The following ARB2A variants were observed in gnomAD, a reference collection of about 807,000 sequenced individuals.
ARB2A encodes the protein cotranscriptional regulator ARB2A.
At chr5:93,747,441 G>A in the ARB2A span, among the ~76,000 whole-genome samples, 1 of 152,048 alleles carries the variant, frequency 6.6e-6, no homozygotes, top group East Asian at 1.9e-4. Flanking sequence ...AGCATTAAAT[G>A]CAGCAATGAC....
the ARB2A span, among the ~76,000 whole-genome samples, chr5:94,045,752 A>G: frequency 6.6e-6 from 1 of 152,218 alleles, no homozygotes; most frequent in Non-Finnish European, 1.5e-5. Flanking sequence ...GTATTTTTTA[A>G]AAATGCAATG....
the ARB2A span, among the ~76,000 whole-genome samples, chr5:94,050,194 C>T: frequency 3.9e-5 from 6 of 151,980 alleles, no homozygotes; most frequent in African/African-American, 1.2e-4. Flanking sequence ...CCTGCCTTGA[C>T]CTCCCAAAGT....
the ARB2A span, among the ~76,000 whole-genome samples, chr5:94,075,878 A>G: frequency 6.6e-6 from 1 of 152,272 alleles, no homozygotes; most frequent in East Asian, 1.9e-4. Context: ...GATGTGCTAT[A>G]AGAGAAAGGG....
the ARB2A span, among the ~76,000 whole-genome samples, chr5:94,001,308 GT>G: frequency 6.6e-6 from 1 of 151,920 alleles, no homozygotes; most frequent in African/African-American, 2.4e-5. Flanking sequence ...TAGTTCTTTA[GT>G]TTCTTTCATG....
chr5:94,039,788 A>G, the ARB2A span, among the ~76,000 whole-genome samples: 2 of 152,026 alleles, frequency 1.3e-5, no homozygotes, highest in African/African-American at 4.8e-5. Flanking sequence ...AAACTCCCAA[A>G]CCAAAGGCTA....
the ARB2A span, among the ~76,000 whole-genome samples, chr5:93,872,493 A>C: frequency 6.6e-5 from 10 of 152,334 alleles, no homozygotes; most frequent in South Asian, 2.1e-3. Context: ...ACAAAAACTC[A>C]TAAATGCAGA....
At chr5:94,014,670 T>C in the ARB2A span, among the ~76,000 whole-genome samples, 1 of 151,742 alleles carries the variant, frequency 6.6e-6, no homozygotes, top group African/African-American at 2.4e-5. Context: ...ATTCAGAAAT[T>C]TATCACAGAA....
At chr5:93,831,962 G>C in the ARB2A span, among the ~76,000 whole-genome samples, 1 of 152,208 alleles carries the variant, frequency 6.6e-6, no homozygotes, top group East Asian at 1.9e-4. Context: ...TAAAAAGTGA[G>C]ACCCAACTGA....
chr5:93,889,437 G>A, the ARB2A span, among the ~76,000 whole-genome samples: 1 of 151,844 alleles, frequency 6.6e-6, no homozygotes, highest in African/African-American at 2.4e-5. Context: ...ACCTATGTCA[G>A]AAGATCTTCT....
the ARB2A span, among the ~76,000 whole-genome samples, chr5:93,952,195 A>G: frequency 1.3e-5 from 2 of 152,216 alleles, no homozygotes; most frequent in Admixed American, 6.5e-5. Context: ...TCAAAATACC[A>G]ATGACATTCT....
At chr5:93,773,946 T>C in the ARB2A span, among the ~76,000 whole-genome samples, 1 of 152,142 alleles carries the variant, frequency 6.6e-6, no homozygotes, top group South Asian at 2.1e-4. Context: ...ATTAAAAAAT[T>C]TTTTTTGGAG....
At chr5:93,753,305 T>C in the ARB2A span, among the ~76,000 whole-genome samples, 1 of 152,228 alleles carries the variant, frequency 6.6e-6, no homozygotes, top group Non-Finnish European at 1.5e-5. Context: ...AACTCCTTAA[T>C]GTCATTTCCT....
chr5:93,801,761 T>TG, the ARB2A span, among the ~76,000 whole-genome samples: 1 of 152,056 alleles, frequency 6.6e-6, no homozygotes, highest in Non-Finnish European at 1.5e-5. Context: ...CAGCAGGCCA[T>TG]GCATGAAGCG....
At chr5:93,999,925 A>C in the ARB2A span, among the ~76,000 whole-genome samples, 2 of 152,082 alleles carry the variant, frequency 1.3e-5, no homozygotes, top group African/African-American at 4.8e-5. Context: ...TAGCCTGTTC[A>C]ATTTGGCTTT....
chr5:93,710,274 TTAAAATTATAG>T, the ARB2A span, among the ~76,000 whole-genome samples: 1 of 152,184 alleles, frequency 6.6e-6, no homozygotes, highest in Non-Finnish European at 1.5e-5. Flanking sequence ...GTTGCAACGG[TTAAAATTATAG>T]AAATGTGAAA....
the ARB2A span, among the ~76,000 whole-genome samples, chr5:93,831,318 T>G: frequency 6.9e-5 from 8 of 116,328 alleles, no homozygotes; most frequent in Non-Finnish European, 1.1e-4. Flanking sequence ...AAAAAAAAAG[T>G]CATTTACTGA....
the ARB2A span, among the ~76,000 whole-genome samples, chr5:93,632,503 T>G: frequency 2.6e-5 from 4 of 152,208 alleles, no homozygotes; most frequent in Admixed American, 1.3e-4. Context: ...ATGTGAAATC[T>G]TGCAAGTCAT....
the ARB2A span, among the ~76,000 whole-genome samples, chr5:94,069,144 C>G: frequency 1.3e-5 from 2 of 152,096 alleles, no homozygotes; most frequent in Admixed American, 6.6e-5. Flanking sequence ...CACATATTTA[C>G]AGTCAACTGA....
At chr5:93,799,220 GA>G in the ARB2A span, among the ~76,000 whole-genome samples, 7 of 152,040 alleles carry the variant, frequency 4.6e-5, no homozygotes, top group African/African-American at 1.4e-4. Context: ...AAGATGTTTG[GA>G]TAGAGAATGG....
Sources: gnomAD v4.1 joint callset for allele counts (sites outside exome capture counted in the v4.1 genomes callset) on GRCh38, gnomAD v4.1.1 for gene constraint, MANE v1.5 for transcripts, NCBI Gene and HGNC (gene_info 2026-07-23, HGNC 2026-07-21) for gene names.